The following CSNK1G1 variants were observed in gnomAD, a reference collection of about 807,000 sequenced individuals.
CSNK1G1 encodes the protein casein kinase 1 gamma 1.
CSNK1G1 carries 22 observed loss-of-function variants against 59.6 expected under a neutral mutation model. That is an observed-to-expected ratio of 0.37 (90% CI 0.26 to 0.53). The LOEUF (loss-of-function observed/expected upper bound fraction) is 0.53, where lower values mean the gene tolerates loss of function less well. Ranked by LOEUF, CSNK1G1 falls within the 20% of genes least tolerant of loss-of-function variation. The pLI is 0.89. For missense variants in CSNK1G1, 384 were observed against 519.5 expected, an observed-to-expected ratio of 0.74 and a Z score of 2.54; for synonymous variants, 179 against 177.1, an observed-to-expected ratio of 1.01 and a Z score of -0.08.
intron 11 of CSNK1G1, among the ~76,000 whole-genome samples, chr15:64,172,971 G>A (rs143411800): frequency 2.6e-5 from 4 of 152,188 alleles, no homozygotes; most frequent in Non-Finnish European, 5.9e-5. Flanking sequence ...CCTTTCTGGG[G>A]AGCTGACACA....
intron 10 of CSNK1G1, among the ~76,000 whole-genome samples, chr15:64,196,794 GT>G (rs538457259): frequency 0.057 from 8,216 of 144,198 alleles, 679 homozygotes; most frequent in African/African-American, 0.18. Context: ...CTCTGTGTGT[GT>G]TTTTTTTTTT....
chr15:64,256,875 T>C (rs778618100), intron 3 of CSNK1G1, among the ~76,000 whole-genome samples: 1 of 152,156 alleles, frequency 6.6e-6, no homozygotes, highest in Non-Finnish European at 1.5e-5. Context: ...CATAGAGGGC[T>C]GTGCATTTGC....
chr15:64,172,380 G>A (rs971480980), intron 11 of CSNK1G1, among the ~76,000 whole-genome samples: 1 of 152,122 alleles, frequency 6.6e-6, no homozygotes, highest in Non-Finnish European at 1.5e-5. Flanking sequence ...GATACTGAGG[G>A]CACAATTATT....
intron 2 of CSNK1G1, among the ~76,000 whole-genome samples, chr15:64,296,552 T>G (rs1197173526): frequency 6.6e-6 from 1 of 152,180 alleles, no homozygotes; most frequent in African/African-American, 2.4e-5. Context: ...TCAGTAAATA[T>G]TCAAGAAATA....
chr15:64,219,759 T>C (rs1235966319), intron 4 of CSNK1G1, among the ~76,000 whole-genome samples: 1 of 151,226 alleles, frequency 6.6e-6, no homozygotes, highest in Non-Finnish European at 1.5e-5. Flanking sequence ...CCTTCTTTTT[T>C]TCTTTTTCTT....
At chr15:64,225,815 C>T (rs892353401) in intron 4 of CSNK1G1, among the ~76,000 whole-genome samples, 4 of 152,184 alleles carry the variant, frequency 2.6e-5, no homozygotes, top group East Asian at 1.9e-4. Context: ...TTAGTAGAGT[C>T]GGGGTTTCGC....
intron 3 of CSNK1G1, among the ~76,000 whole-genome samples, chr15:64,254,840 T>A (rs575871142): frequency 6.6e-6 from 1 of 152,230 alleles, no homozygotes; most frequent in African/African-American, 2.4e-5. Flanking sequence ...GTCTGTGATT[T>A]TGGTGTCATA....
At chr15:64,298,138 G>A (rs1056518918) in intron 2 of CSNK1G1, among the ~76,000 whole-genome samples, 27 of 152,122 alleles carry the variant, frequency 1.8e-4, no homozygotes, top group African/African-American at 6.5e-4. Flanking sequence ...AAATATATAT[G>A]GGCTATAAAT....
intron 2 of CSNK1G1, among the ~76,000 whole-genome samples, chr15:64,277,705 ATATT>A (rs1240951003): frequency 1.4e-4 from 19 of 131,860 alleles, no homozygotes; most frequent in African/African-American, 5.5e-4. Flanking sequence ...ATTTAATAAT[ATATT>A]AATATTGATA....
intron 4 of CSNK1G1, 79 bp downstream of exon 4, chr15:64,251,433 C>A: frequency 9.5e-7 from 1 of 1,054,194 alleles, no homozygotes; most frequent in South Asian, 1.5e-5. Flanking sequence ...AAGGGCAAAC[C>A]AGACAAAAAA....
At chr15:64,280,562 G>T (rs988316821) in intron 2 of CSNK1G1, among the ~76,000 whole-genome samples, 1 of 152,006 alleles carries the variant, frequency 6.6e-6, no homozygotes, top group African/African-American at 2.4e-5. Flanking sequence ...GGATTTCACT[G>T]TGTTAGCCAG....
At chr15:64,181,191 C>T (rs1375338689) in intron 10 of CSNK1G1, 23 of 1,524,666 alleles carry the variant, frequency 1.5e-5, no homozygotes, top group Admixed American at 4.1e-5. Flanking sequence ...CTTATTTCAA[C>T]GATCTTTATT....
At chr15:64,332,803 T>A (rs577643064) in intron 1 of CSNK1G1, among the ~76,000 whole-genome samples, 1 of 152,096 alleles carries the variant, frequency 6.6e-6, no homozygotes, top group Non-Finnish European at 1.5e-5. Context: ...AATATCTTAC[T>A]TTTATGTTTA....
intron 2 of CSNK1G1, among the ~76,000 whole-genome samples, chr15:64,274,824 A>T (rs1893517801): frequency 6.6e-6 from 1 of 152,144 alleles, no homozygotes; most frequent in Non-Finnish European, 1.5e-5. Flanking sequence ...AGGAACATAC[A>T]GTCTGTTTAG....
chr15:64,177,406 C>T (rs1326404175), intron 11 of CSNK1G1, among the ~76,000 whole-genome samples: 1 of 152,172 alleles, frequency 6.6e-6, no homozygotes, highest in Non-Finnish European at 1.5e-5. Context: ...TCCTTGCCCC[C>T]ACACGCAAAG....
intron 1 of CSNK1G1, among the ~76,000 whole-genome samples, chr15:64,322,947 T>TC (rs1218993672): frequency 7.2e-5 from 11 of 151,930 alleles, no homozygotes; most frequent in Non-Finnish European, 1.5e-4. Flanking sequence ...GTTGTTTTTT[T>TC]TTTTCCTCGC....
intron 4 of CSNK1G1, among the ~76,000 whole-genome samples, chr15:64,226,023 C>A (rs1022519816): frequency 6.6e-6 from 1 of 152,218 alleles, no homozygotes; most frequent in Non-Finnish European, 1.5e-5. Context: ...GTGGAGTGTA[C>A]TTTCACTTCA....
chr15:64,251,480 CTAAG>C (rs748253822), intron 4 of CSNK1G1, 28 bp downstream of exon 4: 3 of 1,523,180 alleles, frequency 2.0e-6, no homozygotes, highest in Non-Finnish European at 2.7e-6. Flanking sequence ...AAGATACATA[CTAAG>C]TAAGTGGAGA....
intron 2 of CSNK1G1, among the ~76,000 whole-genome samples, chr15:64,274,036 T>C (rs1893470219): frequency 1.3e-5 from 2 of 152,228 alleles, no homozygotes; most frequent in South Asian, 2.1e-4. Context: ...AGAAGTATAA[T>C]AAGTGAGACA....
Sources: gnomAD v4.1 joint callset for allele counts (sites outside exome capture counted in the v4.1 genomes callset) on GRCh38, gnomAD v4.1.1 for gene constraint, MANE v1.5 for transcripts, NCBI Gene and HGNC (gene_info 2026-07-23, HGNC 2026-07-21) for gene names.